FBXL7: variants seen among roughly 807,000 people sequenced by gnomAD.
FBXL7 encodes F-box/LRR-repeat protein 7.
Under a neutral mutation model 38.3 loss-of-function variants are expected in FBXL7, and 12 were observed. The ratio of observed to expected loss-of-function variants is 0.31; its 90% CI spans 0.20 to 0.51. FBXL7 has a LOEUF of 0.51. FBXL7 is among the 20% of genes least tolerant of loss of function. The probability of loss-of-function intolerance (pLI) is 0.98; values close to 1 mark genes in which losing one functional copy is unlikely to be tolerated. For missense variants in FBXL7, 567 were observed against 676.4 expected (o/e 0.84, Z 1.79); for synonymous variants, 297 against 300.9 (o/e 0.99, Z 0.13).
chr5:15,594,540 T>C (rs972313484), intron 1 of FBXL7, among the ~76,000 whole-genome samples: 2 of 152,204 alleles, frequency 1.3e-5, no homozygotes, highest in Non-Finnish European at 2.9e-5. Context: ...GCATGACTGC[T>C]ACTCCCAGCT....
At chr5:15,741,261 A>G (rs1735886354) in intron 2 of FBXL7, among the ~76,000 whole-genome samples, 1 of 152,208 alleles carries the variant, frequency 6.6e-6, no homozygotes, top group African/African-American at 2.4e-5. Context: ...ACAGTCACAT[A>G]GACACACTTT....
intron 2 of FBXL7, among the ~76,000 whole-genome samples, chr5:15,705,302 G>A (rs981107404): frequency 2.0e-5 from 3 of 152,182 alleles, no homozygotes; most frequent in Non-Finnish European, 4.4e-5. Flanking sequence ...GTCTACAACA[G>A]TGCTTGGCAC....
intron 2 of FBXL7, among the ~76,000 whole-genome samples, chr5:15,849,947 A>G (rs2126792933): frequency 6.6e-6 from 1 of 152,262 alleles, no homozygotes; most frequent in East Asian, 1.9e-4. Context: ...AGAAAACTGA[A>G]GCATGGAGTG....
intron 2 of FBXL7, among the ~76,000 whole-genome samples, chr5:15,698,590 G>C (rs1050664427): frequency 1.3e-5 from 2 of 152,160 alleles, no homozygotes; most frequent in Admixed American, 6.5e-5. Context: ...ATAGATACTA[G>C]TTGACAGTCT....
In FBXL7 at chr5:15,936,461, G is replaced by A; in HGVS notation, c.751G>A (p.Val251Met). ...EHLDVSGCSK[V>M]TCISLTREAS... ...GTCTCTTTGTGCAGGATGCTCCAAA[G>A]TGACCTGCATCAGCTTGACCCGGGA... The change falls in exon 4 of 4, where the codon GTG becomes ATG. Residue 251 changes from valine (V) to methionine (M), a missense_variant. Physicochemically the swap from Val to Met is conservative, Grantham distance 21. Coordinates refer to ENST00000504595, the MANE Select transcript of FBXL7 (RefSeq NM_012304.5). The surrounding 1 kb of genome is among the most constrained non-coding windows in gnomAD (Gnocchi z 6.0). The A allele has an allele frequency of 6.2e-7, 1 of 1,612,734 alleles. No homozygotes were observed. The highest frequency in any genetic ancestry group is 8.5e-7 in the Non-Finnish European group (1 of 1,179,768).
intron 2 of FBXL7, among the ~76,000 whole-genome samples, chr5:15,654,535 A>C (rs1040355704): frequency 6.6e-6 from 1 of 151,896 alleles, no homozygotes; most frequent in African/African-American, 2.4e-5. Context: ...TCTCTGTTTT[A>C]ATATGTTTGA....
At chr5:15,818,737 TGTGTGTGAGAGAGAGA>T (rs1738088316) in intron 2 of FBXL7, among the ~76,000 whole-genome samples, 2 of 115,166 alleles carry the variant, frequency 1.7e-5, no homozygotes, top group South Asian at 2.8e-4. Context: ...TGTGTGTGTG[TGTGTGTGAGAGAGAGA>T]GAGATTTAAA....
chr5:15,507,146 G>A (rs1037043261), intron 1 of FBXL7, among the ~76,000 whole-genome samples: 2 of 151,934 alleles, frequency 1.3e-5, no homozygotes, highest in Non-Finnish European at 2.9e-5. Flanking sequence ...TATTGGATAT[G>A]TGCATATTGG....
chr5:15,841,720 C>G (rs1738750956), intron 2 of FBXL7, among the ~76,000 whole-genome samples: 1 of 152,180 alleles, frequency 6.6e-6, no homozygotes, highest in South Asian at 2.1e-4. Context: ...GACTTGGTGC[C>G]CAGTGTCCCA....
chr5:15,852,310 C>T (rs1209642972), intron 2 of FBXL7, among the ~76,000 whole-genome samples: 1 of 152,128 alleles, frequency 6.6e-6, no homozygotes, highest in South Asian at 2.1e-4. Context: ...TTTTTAACCA[C>T]GCAGAGAAGG....
At chr5:15,537,226 TTTG>T (rs1313761439) in intron 1 of FBXL7, among the ~76,000 whole-genome samples, 12 of 152,320 alleles carry the variant, frequency 7.9e-5, no homozygotes, top group African/African-American at 2.9e-4. Context: ...ATATCTCAGT[TTTG>T]TTTTTATTTT....
chr5:15,585,046 G>GATTTATA (rs1277604708), intron 1 of FBXL7, among the ~76,000 whole-genome samples: 2 of 152,124 alleles, frequency 1.3e-5, no homozygotes, highest in African/African-American at 4.8e-5. Context: ...AATAATTTAT[G>GATTTATA]ATTTATAATT....
intron 1 of FBXL7, among the ~76,000 whole-genome samples, chr5:15,561,769 C>A (rs1463041047): frequency 6.6e-6 from 1 of 152,058 alleles, no homozygotes; most frequent in Non-Finnish European, 1.5e-5. Flanking sequence ...GAGATGGTAT[C>A]TCATTGCAGT....
At chr5:15,533,459 A>C (rs1256620935) in intron 1 of FBXL7, among the ~76,000 whole-genome samples, 3 of 152,152 alleles carry the variant, frequency 2.0e-5, no homozygotes, top group Non-Finnish European at 4.4e-5. Flanking sequence ...GTTTCAGAGA[A>C]ACTGAAATTA....
intron 2 of FBXL7, among the ~76,000 whole-genome samples, chr5:15,913,937 TG>T (rs1047189133): frequency 1.6e-4 from 24 of 151,990 alleles, no homozygotes; most frequent in African/African-American, 5.6e-4. Flanking sequence ...GTTCGGGGGT[TG>T]GGGAGGGCAG....
intron 2 of FBXL7, among the ~76,000 whole-genome samples, chr5:15,712,215 G>T (rs1252652757): frequency 6.6e-6 from 1 of 152,100 alleles, no homozygotes; most frequent in Non-Finnish European, 1.5e-5. Context: ...CTTTCCTGTA[G>T]TCAAATTTGC....
At chr5:15,569,745 T>A (rs6420022) in intron 1 of FBXL7, among the ~76,000 whole-genome samples, 83,780 of 151,828 alleles carry the variant, frequency 0.55, 24,025 homozygotes, top group African/African-American at 0.7. Flanking sequence ...GATAGCTCTT[T>A]TTATTTTAGA....
intron 2 of FBXL7, among the ~76,000 whole-genome samples, chr5:15,775,384 TAC>T (rs61058450): frequency 8.0e-5 from 12 of 150,652 alleles, no homozygotes; most frequent in African/African-American, 2.2e-4. Context: ...CCCCACCATA[TAC>T]ACACACACAC....
At chr5:15,838,986 G>A (rs1738665001) in intron 2 of FBXL7, among the ~76,000 whole-genome samples, 1 of 151,950 alleles carries the variant, frequency 6.6e-6, no homozygotes, top group African/African-American at 2.4e-5. Context: ...ATTTGGTTTT[G>A]CTTGTTTGTT....
Sources: allele counts gnomAD v4.1 joint callset (sites outside exome capture counted in the v4.1 genomes callset), GRCh38; gene constraint gnomAD v4.1.1; non-coding constraint Gnocchi (gnomAD v3.1); transcripts MANE v1.5; gene names NCBI Gene and HGNC (gene_info 2026-07-23, HGNC 2026-07-21).